Variants in RHBDF2 observed in about 807,000 individuals in gnomAD.
RHBDF2 encodes rhomboid 5 homolog 2.
Under a neutral mutation model 95.2 loss-of-function variants are expected in RHBDF2, and 38 were observed. The ratio of observed to expected loss-of-function variants is 0.40; its 90% confidence interval spans 0.31 to 0.52. The LOEUF (loss-of-function observed/expected upper bound fraction) is 0.52. RHBDF2 is among the 20% of genes least tolerant of loss of function. The pLI is 0.56. For missense variants in RHBDF2, 863 were observed against 1,137.7 expected, an observed-to-expected ratio of 0.76 and a Z score of 3.47; for synonymous variants, 442 against 462.0, an observed-to-expected ratio of 0.96 and a Z score of 0.55.
chr17:76,486,422 A>G (rs2074131664), intron 2 of RHBDF2, among the ~76,000 whole-genome samples: 1 of 152,156 alleles, frequency 6.6e-6, no homozygotes, highest in South Asian at 2.1e-4. Flanking sequence ...ATATATCAAA[A>G]TCACTGAAGG....
At chr17:76,479,333 G>C (rs1445853914) in intron 4 of RHBDF2, 56 bp from the exon 5 acceptor site, 1 of 1,545,178 alleles carries the variant, frequency 6.5e-7, no homozygotes, top group Non-Finnish European at 8.7e-7. Context: ...CTGTGCACCT[G>C]AGTGTGTGGA....
chr17:76,478,902 G>A lies in RHBDF2; in HGVS notation c.576C>T (p.Ser192=), dbSNP rs2073856350. 16 of 1,611,496 alleles carry A rather than the reference G, an allele frequency of 9.9e-6. No individual in the cohort carries two copies. The highest frequency in any genetic ancestry group is 8.9e-5 in the East Asian group (4 of 44,882). ...PLTPGVLSLT[S]FTSVRSGYSH... ...AGTAGCCAGAACGGACACTGGTGAA[G>A]GAGGTGAGGGACAGGACTCCGGGGG... is the stretch of plus-strand genomic sequence containing the variant. Residue 192 remains serine, a synonymous_variant, in exon 6 of 19, where the codon TCC becomes TCT. Transcript: ENST00000675367.
chr17:76,490,964 C>A (rs566131795), intron 1 of RHBDF2, among the ~76,000 whole-genome samples: 35 of 152,282 alleles, frequency 2.3e-4, no homozygotes, highest in Admixed American at 7.2e-4. Context: ...ACCCAGTGAG[C>A]CCTCATCAAT....
At chr17:76,479,595 C>G in intron 4 of RHBDF2, 138 bp downstream of exon 4, 1 of 729,610 alleles carries the variant, frequency 1.4e-6, no homozygotes, top group Non-Finnish European at 2.4e-6. Flanking sequence ...TAATAGGCCA[C>G]AGGGAGACAT....
intron 1 of RHBDF2, among the ~76,000 whole-genome samples, chr17:76,496,367 A>C (rs2074425903): frequency 6.6e-6 from 1 of 152,202 alleles, no homozygotes; most frequent in African/African-American, 2.4e-5. Context: ...CCAAGGTCCC[A>C]CAGTTAGGGA....
At chr17:76,495,752 G>A (rs997731952) in intron 1 of RHBDF2, among the ~76,000 whole-genome samples, 5 of 152,166 alleles carry the variant, frequency 3.3e-5, no homozygotes, top group African/African-American at 9.7e-5. Context: ...TTCTGCCTCC[G>A]GCTGCATGGA....
At chr17:76,488,581 G>C (rs1263591036) in intron 1 of RHBDF2, among the ~76,000 whole-genome samples, 1 of 152,164 alleles carries the variant, frequency 6.6e-6, no homozygotes, top group Non-Finnish European at 1.5e-5. Flanking sequence ...AGGCCAAGGT[G>C]GGGGAATCAT....
chr17:76,497,248 C>G (rs1241209103), intron 1 of RHBDF2, among the ~76,000 whole-genome samples: 5 of 152,112 alleles, frequency 3.3e-5, no homozygotes, highest in African/African-American at 1.2e-4. Context: ...CTGCTCCCAG[C>G]CCCAGGAACC....
intron 3 of RHBDF2, 199 bp from the exon 4 acceptor site, chr17:76,480,053 A>ATG (rs2073909918): frequency 1.2e-4 from 4 of 33,582 alleles, no homozygotes; most frequent in Non-Finnish European, 2.6e-4. Flanking sequence ...TTGTATATGT[A>ATG]TATATATATA....
intron 4 of RHBDF2, 56 bp downstream of exon 4, chr17:76,479,677 G>T: frequency 2.1e-6 from 3 of 1,398,748 alleles, no homozygotes; most frequent in South Asian, 1.2e-5. Flanking sequence ...TCCAGGCCCC[G>T]AGAATCCACA....
chr17:76,492,669 C>G (rs941672074), intron 1 of RHBDF2, among the ~76,000 whole-genome samples: 2 of 152,226 alleles, frequency 1.3e-5, no homozygotes, highest in Non-Finnish European at 2.9e-5. Context: ...GCACTCCCCA[C>G]CCCCACACAA....
intron 2 of RHBDF2, among the ~76,000 whole-genome samples, chr17:76,486,669 G>A (rs368953756): frequency 6.6e-6 from 1 of 150,946 alleles, no homozygotes; most frequent in Non-Finnish European, 1.5e-5. Context: ...AACCGTGATC[G>A]CGCCACTGTA....
Position 76,471,601 on chromosome 17 carries a change from C to G in RHBDF2, c.*32G>C, listed in dbSNP as rs772337595. ...CCCTCGCAGGCAGACCCTGTTCCAG[C>G]AGGGCTGAGGGGCAGCCGTGTGGCC... On this transcript the variant is annotated 3_prime_UTR_variant, in exon 19 of 19. Coordinates refer to ENST00000675367, the MANE Select transcript of RHBDF2 (RefSeq NM_001005498.4). 8 of 1,547,534 alleles carry G rather than the reference C, an allele frequency of 5.2e-6. No individual in the cohort carries two copies. The highest frequency in any genetic ancestry group is 4.4e-6 in the Non-Finnish European group (5 of 1,145,462).
chr17:76,483,357 C>T (rs1445004381), intron 2 of RHBDF2, among the ~76,000 whole-genome samples: 1 of 152,104 alleles, frequency 6.6e-6, no homozygotes, highest in Admixed American at 6.6e-5. Context: ...GCGATCTCGG[C>T]TCACCGCAAC....
chr17:76,481,093 T>C (rs2073948686), intron 3 of RHBDF2, among the ~76,000 whole-genome samples: 1 of 152,018 alleles, frequency 6.6e-6, no homozygotes, highest in Non-Finnish European at 1.5e-5. Flanking sequence ...GGGGGTGAAA[T>C]GAGAACAGCC....
intron 1 of RHBDF2, among the ~76,000 whole-genome samples, chr17:76,495,814 C>T (rs56289512): frequency 1.3e-5 from 2 of 152,282 alleles, no homozygotes; most frequent in Non-Finnish European, 2.9e-5. Flanking sequence ...AGCTTGTAAA[C>T]GGTCATTAAG....
At chr17:76,478,494 C>T (rs2073843550) in intron 6 of RHBDF2, among the ~76,000 whole-genome samples, 1 of 152,240 alleles carries the variant, frequency 6.6e-6, no homozygotes, top group Admixed American at 6.5e-5. Flanking sequence ...GTAACAGGGA[C>T]TTGGAAAACC....
At chr17:76,495,864 CT>C (rs1207132093) in intron 1 of RHBDF2, among the ~76,000 whole-genome samples, 18 of 152,226 alleles carry the variant, frequency 1.2e-4, no homozygotes, top group Non-Finnish European at 2.6e-4. Flanking sequence ...TGCCCTGGGG[CT>C]CCCTGCTTCC....
intron 18 of RHBDF2, 181 bp downstream of exon 18, chr17:76,472,505 C>T: frequency 1.3e-6 from 1 of 763,798 alleles, no homozygotes; most frequent in South Asian, 1.5e-5. Flanking sequence ...AAGAGCATCA[C>T]TGTTCCCTCT....
Sources: allele counts gnomAD v4.1 joint callset (sites outside exome capture counted in the v4.1 genomes callset), GRCh38; gene constraint gnomAD v4.1.1; transcripts MANE v1.5; gene names NCBI Gene and HGNC (gene_info 2026-07-23, HGNC 2026-07-21).